The following HCN1 variants were observed in gnomAD, a reference collection of about 807,000 sequenced individuals.
HCN1 encodes potassium/sodium hyperpolarization-activated cyclic nucleotide-gated channel 1.
HCN1 carries 13 observed loss-of-function variants against 78.9 expected under a neutral mutation model. That is an observed-to-expected ratio of 0.16 (90% CI 0.11 to 0.26). The LOEUF (loss-of-function observed/expected upper bound fraction) is 0.26, where lower values mean the gene tolerates loss of function less well. Ranked by LOEUF, HCN1 falls within the 10% of genes least tolerant of loss-of-function variation. HCN1 has a pLI of 1.00. For synonymous variants in HCN1, 552 were observed against 455.5 expected (o/e 1.21, Z -2.70); for missense variants, 810 against 1,154.3 (o/e 0.70, Z 4.32).
intron 4 of HCN1, among the ~76,000 whole-genome samples, chr5:45,375,182 TGTATTATATATAATATA>T (rs1747585574): frequency 1.6e-5 from 2 of 121,282 alleles, no homozygotes; most frequent in African/African-American, 6.5e-5. Context: ...TAATATATAA[TGTATTATATATAATATA>T]ATATTTTATA....
intron 6 of HCN1, among the ~76,000 whole-genome samples, chr5:45,294,862 G>T (rs1165518827): frequency 6.6e-6 from 1 of 152,076 alleles, no homozygotes; most frequent in African/African-American, 2.4e-5. Context: ...AGGTATTCTG[G>T]AAAGAACACA....
At chr5:45,299,173 C>T (rs1032158631) in intron 6 of HCN1, among the ~76,000 whole-genome samples, 1 of 151,858 alleles carries the variant, frequency 6.6e-6, no homozygotes, top group Non-Finnish European at 1.5e-5. Context: ...AGATTCTGAA[C>T]AGAAAAAGGA....
intron 2 of HCN1, among the ~76,000 whole-genome samples, chr5:45,569,619 C>G (rs1743783500): frequency 6.6e-6 from 1 of 152,006 alleles, no homozygotes. Flanking sequence ...AAACTGCTCA[C>G]TATATAGTTC....
At chr5:45,292,953 CAT>C (rs1745410071) in intron 6 of HCN1, among the ~76,000 whole-genome samples, 1 of 151,950 alleles carries the variant, frequency 6.6e-6, no homozygotes. Context: ...TTTAAATTTA[CAT>C]ATGAAATAAT....
chr5:45,666,234 T>C (rs542431556), intron 1 of HCN1, among the ~76,000 whole-genome samples: 10 of 152,076 alleles, frequency 6.6e-5, no homozygotes, highest in Non-Finnish European at 1.5e-4. Context: ...TATAAAAAAG[T>C]AGTTTAGGAG....
At chr5:45,441,237 C>T (rs973386825) in intron 3 of HCN1, among the ~76,000 whole-genome samples, 8 of 151,988 alleles carry the variant, frequency 5.3e-5, no homozygotes, top group African/African-American at 1.9e-4. Context: ...CTATTTTTTT[C>T]TGAGAAAAAC....
intron 7 of HCN1, among the ~76,000 whole-genome samples, chr5:45,265,690 T>C (rs1020600154): frequency 6.6e-6 from 1 of 152,232 alleles, no homozygotes; most frequent in African/African-American, 2.4e-5. Context: ...GCAGTTGAGG[T>C]ACCTCCTTGT....
chr5:45,315,726 G>A (rs1373489857), intron 5 of HCN1, among the ~76,000 whole-genome samples: 4 of 152,048 alleles, frequency 2.6e-5, no homozygotes, highest in African/African-American at 9.7e-5. Context: ...AAATGGTAAA[G>A]GGGATATCAC....
chr5:45,585,436 T>C (rs1744192909), intron 2 of HCN1, among the ~76,000 whole-genome samples: 1 of 152,202 alleles, frequency 6.6e-6, no homozygotes, highest in African/African-American at 2.4e-5. Context: ...CGTCTAATTT[T>C]TTTTCAAGGT....
intron 2 of HCN1, among the ~76,000 whole-genome samples, chr5:45,496,106 C>T (rs568201454): frequency 1.3e-5 from 2 of 152,186 alleles, no homozygotes; most frequent in East Asian, 3.9e-4. Flanking sequence ...CAGAATGATG[C>T]TGGCCTCATA....
At chr5:45,617,986 T>C (rs1744986940) in intron 2 of HCN1, among the ~76,000 whole-genome samples, 1 of 152,032 alleles carries the variant, frequency 6.6e-6, no homozygotes, top group Non-Finnish European at 1.5e-5. Flanking sequence ...TCTGGTGAAA[T>C]AACAAAGCGT....
rs1423278904 is a variant in HCN1 at position 45,669,109 on chromosome 5, T to TA, written c.426-23502dup. Reference sequence around the variant, plus strand: ...TGAACCCAGAAAAGTTCCAATAGTTTACTCAAATCTAAAAGTTTTAGTTTG... The same window carrying TA: ...TGAACCCAGAAAAGTTCCAATAGTTTAACTCAAATCTAAAAGTTTTAGTTTG... On this transcript the variant is annotated intron_variant, in intron 1 of 7. Transcript: ENST00000303230. 2.6e-5 allele frequency among the ~76,000 whole-genome samples: 4 copies of TA among 151,982 alleles called. No homozygotes were observed. The East Asian group carries it at 7.8e-4, about 29-fold the overall frequency.
At chr5:45,621,738 A>G (rs1331908335) in intron 2 of HCN1, among the ~76,000 whole-genome samples, 3 of 152,186 alleles carry the variant, frequency 2.0e-5, no homozygotes, top group Non-Finnish European at 2.9e-5. Context: ...CTTTCACCCA[A>G]AAAACATAAC....
At chr5:45,655,464 C>T (rs1045970172) in intron 1 of HCN1, among the ~76,000 whole-genome samples, 3 of 152,170 alleles carry the variant, frequency 2.0e-5, no homozygotes, top group African/African-American at 7.2e-5. Context: ...ACTCTCTCCA[C>T]CATATTCAGA....
intron 2 of HCN1, among the ~76,000 whole-genome samples, chr5:45,490,926 T>A (rs963993926): frequency 1.3e-5 from 2 of 152,210 alleles, no homozygotes; most frequent in Middle Eastern, 3.4e-3. Context: ...CAACTGGCCC[T>A]ATATTCCAGG....
chr5:45,676,361 A>C (rs1184971147), intron 1 of HCN1, among the ~76,000 whole-genome samples: 1 of 151,852 alleles, frequency 6.6e-6, no homozygotes, highest in South Asian at 2.1e-4. Context: ...TACACCTTAT[A>C]TTTTTATTGG....
intron 3 of HCN1, among the ~76,000 whole-genome samples, chr5:45,415,536 G>T (rs1296498901): frequency 3.3e-5 from 5 of 152,132 alleles, no homozygotes; most frequent in Non-Finnish European, 5.9e-5. Context: ...TTCATTATTT[G>T]CCATGCTTTT....
chr5:45,319,003 T>C (rs1206084272), intron 5 of HCN1, among the ~76,000 whole-genome samples: 1 of 152,008 alleles, frequency 6.6e-6, no homozygotes, highest in Non-Finnish European at 1.5e-5. Context: ...ATGTGATTGC[T>C]AAGTGTTGTA....
chr5:45,530,625 G>A (rs998769072), intron 2 of HCN1, among the ~76,000 whole-genome samples: 3 of 151,964 alleles, frequency 2.0e-5, no homozygotes, highest in African/African-American at 7.2e-5. Flanking sequence ...TGGCTTCCAA[G>A]ATAATTATGA....
Sources: gnomAD v4.1 joint callset for allele counts (sites outside exome capture counted in the v4.1 genomes callset) on GRCh38, gnomAD v4.1.1 for gene constraint, MANE v1.5 for transcripts, NCBI Gene and HGNC (gene_info 2026-07-23, HGNC 2026-07-21) for gene names.